Variants in OTOA observed in about 807,000 individuals in gnomAD.
OTOA encodes the protein cancer/testis antigen 108.
In OTOA, 70 loss-of-function variants were observed where a neutral mutation model predicts 110.8. The observed-to-expected ratio is 0.63, with a 90% CI of 0.52 to 0.77. The LOEUF is 0.77. Among genes scored for constraint, OTOA ranks in the 30% least tolerant of loss-of-function variants. The pLI, the probability that OTOA is intolerant of heterozygous loss-of-function variation, is 0.00. For synonymous variants in OTOA, 373 were observed against 431.5 expected (o/e 0.86, Z 1.68); for missense variants, 917 against 1,075.8 (o/e 0.85, Z 2.06).
At chr16:21,678,208 C>A (rs1474448836) in intron 1 of OTOA, among the ~76,000 whole-genome samples, 1 of 151,798 alleles carries the variant, frequency 6.6e-6, no homozygotes, top group Non-Finnish European at 1.5e-5. Context: ...TTGACTATAC[C>A]TTTTTGCTGG....
chr16:21,710,146 C>T (rs1255932742), intron 13 of OTOA, 43 bp downstream of exon 13: 1 of 1,529,120 alleles, frequency 6.5e-7, no homozygotes, highest in Non-Finnish European at 8.9e-7. Flanking sequence ...CCTAAGATGA[C>T]CTAAGTGTAT....
chr16:21,718,393 C>T (rs1016036098), intron 15 of OTOA, among the ~76,000 whole-genome samples: 1 of 152,142 alleles, frequency 6.6e-6, no homozygotes, highest in Admixed American at 6.5e-5. Flanking sequence ...GACCCTGAGC[C>T]CAGGAAAATC....
intron 6 of OTOA, chr16:21,684,573 A>G (rs1046770721): frequency 6.5e-7 from 1 of 1,537,082 alleles, no homozygotes; most frequent in Admixed American, 2.0e-5. Context: ...GAATGGGGGA[A>G]TCGGGCTGGC....
intron 10 of OTOA, 52 bp from the exon 11 acceptor site, chr16:21,700,836 T>C (rs1898037761): frequency 6.2e-7 from 1 of 1,611,550 alleles, no homozygotes; most frequent in Non-Finnish European, 8.5e-7. Flanking sequence ...GGGGCCACAC[T>C]GGGCCACTTC....
intron 1 of OTOA, among the ~76,000 whole-genome samples, chr16:21,672,694 T>A (rs941520597): frequency 3.9e-5 from 6 of 152,108 alleles, no homozygotes; most frequent in Non-Finnish European, 7.4e-5. Context: ...TTTTGATGTG[T>A]ATAATGTATG....
At chr16:21,730,014 A>G (rs1004863058) in intron 20 of OTOA, 1 of 152,200 alleles carries the variant, frequency 6.6e-6, no homozygotes, top group African/African-American at 2.4e-5. Flanking sequence ...TGTAAATACC[A>G]AAGAGTGTGT....
At chr16:21,720,942 A>G (rs1392772432) in intron 17 of OTOA, among the ~76,000 whole-genome samples, 1 of 150,566 alleles carries the variant, frequency 6.6e-6, no homozygotes, top group East Asian at 1.9e-4. Flanking sequence ...TATTATTGAG[A>G]CAGGACCTTG....
At chr16:21,668,226 A>G (rs1263088667) in intron 1 of OTOA, among the ~76,000 whole-genome samples, 1 of 152,010 alleles carries the variant, frequency 6.6e-6, no homozygotes, top group East Asian at 1.9e-4. Flanking sequence ...CTCCCATCTC[A>G]GCCTCCTGAG....
At chr16:21,728,191 G>C (rs371489343) in intron 19 of OTOA, 50 bp from the exon 20 acceptor site, 2 of 1,609,560 alleles carry the variant, frequency 1.2e-6, no homozygotes, top group African/African-American at 1.3e-5. Flanking sequence ...AATGGCTCAC[G>C]ATCTTATGCT....
At chr16:21,666,102 A>C (rs1983524) in intron 1 of OTOA, among the ~76,000 whole-genome samples, 55,777 of 151,890 alleles carry the variant, frequency 0.37, 11,751 homozygotes, top group African/African-American at 0.59. Context: ...GGGTTACAGG[A>C]GTGAGCCACA....
intron 1 of OTOA, among the ~76,000 whole-genome samples, chr16:21,672,893 T>C (rs1966851239): frequency 6.6e-6 from 1 of 151,974 alleles, no homozygotes; most frequent in Non-Finnish European, 1.5e-5. Context: ...CATGCCTGTA[T>C]TCCTAGCACT....
intron 28 of OTOA, among the ~76,000 whole-genome samples, chr16:21,758,934 A>G (rs1356190357): frequency 2.6e-5 from 4 of 151,778 alleles, no homozygotes; most frequent in Non-Finnish European, 4.4e-5. Flanking sequence ...CACTGGGGGC[A>G]GAGGTTGCAG....
At chr16:21,731,334 T>C (rs1367814787) in intron 21 of OTOA, among the ~76,000 whole-genome samples, 1 of 152,224 alleles carries the variant, frequency 6.6e-6, no homozygotes, top group Non-Finnish European at 1.5e-5. Context: ...TATTGATCAT[T>C]ACATTTGGGC....
intron 19 of OTOA, 111 bp from the exon 20 acceptor site, chr16:21,728,130 G>A (rs1364140132): frequency 3.7e-6 from 5 of 1,342,240 alleles, no homozygotes; most frequent in Non-Finnish European, 5.3e-6. Context: ...CTCCCAGAGT[G>A]CTGGGATTAT....
rs11464811 is a variant in OTOA at position 21,729,042 on chromosome 16, AT to A, written c.2207+621del. ...TGGTATTATTATTAGTTTAAAGACT[AT>A]TTTTTTTTTAAATGGGGTCTCGCTC... On this transcript the variant is annotated intron_variant, in intron 20 of 28. Transcript: ENST00000646100. Among the ~76,000 whole-genome samples the A allele has an allele frequency of 2.9e-3, 426 of 148,190 alleles. 5 individuals carry two copies. The highest frequency in any genetic ancestry group is 3.5e-3 in the Middle Eastern group (1 of 282).
At chr16:21,673,582 C>T (rs1350197650) in intron 1 of OTOA, among the ~76,000 whole-genome samples, 1 of 152,130 alleles carries the variant, frequency 6.6e-6, no homozygotes, top group Non-Finnish European at 1.5e-5. Flanking sequence ...TGGCTTTCTT[C>T]CCTCTGCATA....
chr16:21,666,864 C>T (rs1033673717), intron 1 of OTOA, among the ~76,000 whole-genome samples: 2 of 152,078 alleles, frequency 1.3e-5, no homozygotes, highest in South Asian at 2.1e-4. Flanking sequence ...TGCAGTTTCT[C>T]GCTGGAAAAA....
intron 5 of OTOA, 76 bp downstream of exon 5, chr16:21,679,287 G>A (rs945084264): frequency 4.7e-6 from 7 of 1,480,512 alleles, no homozygotes; most frequent in South Asian, 3.4e-5. Flanking sequence ...TCTCTTAATT[G>A]TAAAAAGTAA....
chr16:21,715,413 C>T (rs1456803777), intron 14 of OTOA, among the ~76,000 whole-genome samples: 1 of 151,746 alleles, frequency 6.6e-6, no homozygotes, highest in Non-Finnish European at 1.5e-5. Flanking sequence ...ATCAGGTTTC[C>T]TGATCTTATA....
Sources: allele counts gnomAD v4.1 joint callset (sites outside exome capture counted in the v4.1 genomes callset), GRCh38; gene constraint gnomAD v4.1.1; transcripts MANE v1.5; gene names NCBI Gene and HGNC (gene_info 2026-07-23, HGNC 2026-07-21).